Variants in TENM1 observed in about 807,000 individuals in gnomAD.
TENM1 encodes teneurin transmembrane protein 1, also known as teneurin-1.
A neutral mutation model predicts 174.8 loss-of-function variants in TENM1; 35 were observed. That is an observed-to-expected ratio of 0.20 (90% confidence interval 0.15 to 0.27). TENM1 has a LOEUF of 0.27. TENM1 is among the 10% of genes least tolerant of loss of function. The pLI, the probability that TENM1 is intolerant of heterozygous loss-of-function variation, is 1.00. For synonymous variants in TENM1, 781 were observed against 798.7 expected (o/e 0.98, Z 0.37); for missense variants, 1,633 against 2,130.1 (o/e 0.77, Z 4.59).
At chrX:124,653,553 G>A (rs567645561) in intron 7 of TENM1, 31 bp downstream of exon 10, 2 of 1,158,723 alleles carry the variant, frequency 1.7e-6, no homozygotes, top group Non-Finnish European at 1.2e-6. Context: ...CCTTGAAAAG[G>A]GTTTAAGAAA....
chrX:125,024,531 A>G, the TENM1 span, among the ~76,000 whole-genome samples: 1 of 111,242 alleles, frequency 9.0e-6, no homozygotes, highest in African/African-American at 3.3e-5. Flanking sequence ...TCTCACTTAT[A>G]AGTGGGAACT....
At chrX:125,173,739 GCA>G in the TENM1 span, among the ~76,000 whole-genome samples, 1 of 111,425 alleles carries the variant, frequency 9.0e-6, no homozygotes, top group Non-Finnish European at 1.9e-5. Flanking sequence ...AGAGATGGAT[GCA>G]CACATGCAAG....
chrX:124,555,534 G>A (rs965715740), intron 14 of TENM1, among the ~76,000 whole-genome samples: 28 of 111,509 alleles, frequency 2.5e-4, no homozygotes, highest in African/African-American at 8.2e-4. Flanking sequence ...ATCTGAACAG[G>A]ATCTAGTTTG....
chrX:124,501,494 A>G lies in TENM1; in HGVS notation c.3445+2066T>C, dbSNP rs17330825. 0.026 allele frequency among the ~76,000 whole-genome samples: 2,932 copies of G among 112,213 alleles called. 122 individuals carry two copies. In the East Asian group the frequency reaches 0.27, roughly 10 times the overall value. ...AAACTGAAGAATAGAATGGCAACAGACATCCAGTCTAATTACAGGTGTCTT... is the reference window on the plus strand; with the variant it reads ...AAACTGAAGAATAGAATGGCAACAGGCATCCAGTCTAATTACAGGTGTCTT... On this transcript the variant is annotated intron_variant, in intron 19 of 31. Transcript: ENST00000422452.
intron 3 of TENM1, among the ~76,000 whole-genome samples, chrX:124,796,083 A>T (rs1367511163): frequency 1.8e-5 from 2 of 111,381 alleles, no homozygotes; most frequent in Non-Finnish European, 3.8e-5. Context: ...TTTCATTTTG[A>T]TCCATGCCAT....
At chrX:124,671,257 C>CTTTATGTTTGTAATGTAATGTTACAGAAA (rs1395605735) in intron 6 of TENM1, among the ~76,000 whole-genome samples, 1 of 110,706 alleles carries the variant, frequency 9.0e-6, no homozygotes, top group Non-Finnish European at 1.9e-5. Flanking sequence ...TAAACATTCA[C>CTTTATGTTTGTAATGTAATGTTACAGAAA]CTTTACATTA....
At chrX:125,120,714 A>C in the TENM1 span, among the ~76,000 whole-genome samples, 1 of 111,784 alleles carries the variant, frequency 8.9e-6, no homozygotes, top group Admixed American at 9.5e-5. Flanking sequence ...TATTGACATC[A>C]TCTTAACATC....
the TENM1 span, among the ~76,000 whole-genome samples, chrX:125,153,567 T>C: frequency 8.9e-6 from 1 of 112,513 alleles, no homozygotes; most frequent in Admixed American, 9.4e-5. Flanking sequence ...GCTTTCACTT[T>C]CATAAAGTAC....
chrX:125,100,870 C>T, the TENM1 span, among the ~76,000 whole-genome samples: 1 of 111,347 alleles, frequency 9.0e-6, no homozygotes, highest in African/African-American at 3.3e-5. Flanking sequence ...TTCAAAGCAA[C>T]CTTATTGTTT....
chrX:125,130,944 G>A, the TENM1 span, among the ~76,000 whole-genome samples: 33 of 111,976 alleles, frequency 2.9e-4, no homozygotes, highest in African/African-American at 9.7e-4. Context: ...AATAGGTACT[G>A]TAGAGTAAAA....
chrX:124,379,592 CTTTG>C (rs1378072231), exon 32 of TENM1: 3 of 111,739 alleles, frequency 2.7e-5, no homozygotes, highest in Non-Finnish European at 5.7e-5. Context: ...CTGCTAAAGC[CTTTG>C]TTTGTTTTTG....
exon 20 of TENM1, chrX:124,497,141 G>A: frequency 8.3e-7 from 1 of 1,210,453 alleles, no homozygotes; most frequent in Non-Finnish European, 1.1e-6. Context: ...GTTTGTTGTT[G>A]TGGGCTGGGC....
At chrX:125,172,365 A>G in the TENM1 span, among the ~76,000 whole-genome samples, 58 of 110,193 alleles carry the variant, frequency 5.3e-4, no homozygotes, top group African/African-American at 1.9e-3. Flanking sequence ...CACATAGAGC[A>G]ATTGACTTGC....
the TENM1 span, among the ~76,000 whole-genome samples, chrX:124,996,013 T>C: frequency 4.5e-5 from 5 of 111,416 alleles, no homozygotes; most frequent in African/African-American, 1.6e-4. Flanking sequence ...GTGCACTTTA[T>C]ACTTTTTAAG....
chrX:124,929,008 A>G (rs1466899264), intron 1 of TENM1, among the ~76,000 whole-genome samples: 8 of 112,092 alleles, frequency 7.1e-5, no homozygotes, highest in Non-Finnish European at 1.5e-4. Flanking sequence ...CTCCTGTTGT[A>G]CTATATAAAT....
At chrX:124,556,262 G>A (rs1203420757) in intron 14 of TENM1, among the ~76,000 whole-genome samples, 4 of 106,940 alleles carry the variant, frequency 3.7e-5, no homozygotes, top group Non-Finnish European at 5.8e-5. Context: ...TGTCCAACAT[G>A]GTGAAAACCC....
intron 25 of TENM1, chrX:124,411,773 C>A (rs527599809): frequency 2.7e-5 from 3 of 112,046 alleles, no homozygotes; most frequent in Middle Eastern, 4.6e-3. Flanking sequence ...AGAAATAGAG[C>A]GAGATTTTGA....
At chrX:124,495,853 G>T (rs942257247) in intron 20 of TENM1, among the ~76,000 whole-genome samples, 1 of 103,857 alleles carries the variant, frequency 9.6e-6, no homozygotes, top group African/African-American at 3.6e-5. Flanking sequence ...TTTCTTCACA[G>T]AATTGGAAAA....
intron 11 of TENM1, among the ~76,000 whole-genome samples, chrX:124,636,138 G>T (rs1039330495): frequency 5.4e-5 from 6 of 111,909 alleles, no homozygotes; most frequent in Admixed American, 4.7e-4. Context: ...GGAAGAAAAT[G>T]ATCAATGGCA....
Sources: allele counts gnomAD v4.1 joint callset (sites outside exome capture counted in the v4.1 genomes callset), GRCh38; gene constraint gnomAD v4.1.1; transcripts MANE v1.5; gene names NCBI Gene and HGNC (gene_info 2026-07-23, HGNC 2026-07-21).